DPYSL2: variants seen among roughly 807,000 people sequenced by gnomAD.
The protein encoded by DPYSL2 is dihydropyrimidinase like 2.
In DPYSL2, 13 loss-of-function variants were observed where a neutral mutation model predicts 69.9. The ratio of observed to expected loss-of-function variants is 0.19; its 90% confidence interval spans 0.12 to 0.30. DPYSL2 has a LOEUF of 0.30. DPYSL2 is among the 10% of genes least tolerant of loss of function. The pLI is 1.00. For missense variants in DPYSL2, 587 were observed against 918.9 expected, an observed-to-expected ratio of 0.64 and a Z score of 4.67; for synonymous variants, 326 against 359.1, an observed-to-expected ratio of 0.91 and a Z score of 1.04.
intron 1 of DPYSL2, among the ~76,000 whole-genome samples, chr8:26,561,458 C>T (rs531746555): frequency 6.6e-6 from 1 of 152,228 alleles, no homozygotes; most frequent in East Asian, 1.9e-4. Flanking sequence ...TTATTATTTC[C>T]ACTTGGATAT....
At chr8:26,634,989 C>A in intron 8 of DPYSL2, 89 bp downstream of exon 8, 3 of 1,554,386 alleles carry the variant, frequency 1.9e-6, no homozygotes, top group East Asian at 2.3e-5. Context: ...CTTTTCCAGA[C>A]CCTCATGCCA....
At chr8:26,523,164 TA>T (rs1296585897) in intron 1 of DPYSL2, among the ~76,000 whole-genome samples, 10 of 150,994 alleles carry the variant, frequency 6.6e-5, no homozygotes, top group Admixed American at 2.6e-4. Flanking sequence ...TATATATATA[TA>T]TATATTTTTA....
At chr8:26,523,004 A>G (rs1348331942) in intron 1 of DPYSL2, among the ~76,000 whole-genome samples, 1 of 152,086 alleles carries the variant, frequency 6.6e-6, no homozygotes, top group Non-Finnish European at 1.5e-5. Flanking sequence ...GAGCTTTGAA[A>G]TTCATTTAGA....
In DPYSL2 at chr8:26,654,745, G is replaced by C. The variant is rs565797195; in HGVS notation, c.1943-870G>C. On this transcript the variant is annotated intron_variant, in intron 13 of 13. Transcript: ENST00000521913. The surrounding 1 kb of genome is among the most constrained non-coding windows in gnomAD (Gnocchi z 5.0). ...AAGATGTAGTGATATTTTGTATATA[G>C]TTTTACTTTCTCCAGTAATAGATCC... 2.0e-5 allele frequency among the ~76,000 whole-genome samples: 3 copies of C among 152,300 alleles called. No individual in the cohort carries two copies. Among genetic ancestry groups the C allele is most frequent in the Admixed American group, 2.0e-4 (3 of 15,302 alleles).
chr8:26,633,369 A>T (rs1802825231), intron 7 of DPYSL2, among the ~76,000 whole-genome samples: 1 of 152,210 alleles, frequency 6.6e-6, no homozygotes, highest in South Asian at 2.1e-4. Context: ...CTGATTGGTG[A>T]TTCCTCTGTA....
At chr8:26,545,983 T>C (rs1040519597) in intron 1 of DPYSL2, among the ~76,000 whole-genome samples, 2 of 152,190 alleles carry the variant, frequency 1.3e-5, no homozygotes, top group Admixed American at 1.3e-4. Context: ...TTTTGGCTTT[T>C]CATATAAACT....
intron 1 of DPYSL2, among the ~76,000 whole-genome samples, chr8:26,570,817 C>G (rs1276182297): frequency 1.3e-5 from 2 of 151,508 alleles, no homozygotes; most frequent in African/African-American, 4.9e-5. Flanking sequence ...GAATCTGGGC[C>G]TGGAACAAGA....
intron 1 of DPYSL2, among the ~76,000 whole-genome samples, chr8:26,556,046 T>C (rs2117642581): frequency 1.1e-5 from 1 of 95,154 alleles, no homozygotes; most frequent in South Asian, 2.8e-4. Context: ...ATATATAGTT[T>C]ATAGTATATA....
At chr8:26,578,131 G>A (rs1389349785) in intron 1 of DPYSL2, 6 of 1,570,012 alleles carry the variant, frequency 3.8e-6, no homozygotes, top group Non-Finnish European at 5.2e-6. Flanking sequence ...CAGCGAAGCG[G>A]TTGCACCCTT....
intron 1 of DPYSL2, among the ~76,000 whole-genome samples, chr8:26,529,384 C>CAGTG (rs2117609654): frequency 6.6e-6 from 1 of 152,052 alleles, no homozygotes; most frequent in East Asian, 1.9e-4. Context: ...GGCTGCAGTG[C>CAGTG]AGTGATGTGA....
chr8:26,629,309 T>TACAC (rs1175350957), intron 7 of DPYSL2, among the ~76,000 whole-genome samples: 1 of 151,012 alleles, frequency 6.6e-6, no homozygotes, highest in African/African-American at 2.4e-5. Context: ...CATAGACACC[T>TACAC]ACACACACAC....
At chr8:26,555,091 AAGT>A (rs1800924585) in intron 1 of DPYSL2, among the ~76,000 whole-genome samples, 1 of 152,182 alleles carries the variant, frequency 6.6e-6, no homozygotes, top group African/African-American at 2.4e-5. Context: ...ATAGAAAGCT[AAGT>A]ATATAGGGAA....
rs1236914904 is a variant in DPYSL2, at chr8:26,597,233, T to A, written c.628+13250T>A. 1.3e-5 allele frequency among the ~76,000 whole-genome samples: 2 copies of A among 152,218 alleles called. No homozygotes were observed. The highest frequency in any genetic ancestry group is 4.8e-5 in the African/African-American group (2 of 41,452). On this transcript the variant is annotated intron_variant, in intron 3 of 13. Coordinates refer to ENST00000521913, the MANE Select transcript of DPYSL2 (RefSeq NM_001197293.3). This position sits in a 1 kb window ranked among gnomAD's most constrained non-coding sequence, Gnocchi z 5.2. ...GAGAGCAATCAAGAGGAGTAACTGA[T>A]GCCATGCATTCATCAACTGAACTTA...
chr8:26,606,309 G>T (rs1802105574), intron 3 of DPYSL2, among the ~76,000 whole-genome samples: 1 of 152,052 alleles, frequency 6.6e-6, no homozygotes, highest in African/African-American at 2.4e-5. Flanking sequence ...ATGGATTAAA[G>T]AATTACATTT....
rs993257603 is a variant in DPYSL2 at position 26,650,477 on chromosome 8, G to A, written c.1597-1780G>A. On this transcript the variant is annotated intron_variant, in intron 11 of 13. Transcript: ENST00000521913. The surrounding 1 kb of genome is among the most constrained non-coding windows in gnomAD (Gnocchi z 5.3). ...GACCAGGGATGAGGCTTTTTGTATTGTCATCTTCACATACACCTCGGGAGG... is the reference window on the plus strand; with the variant it reads ...GACCAGGGATGAGGCTTTTTGTATTATCATCTTCACATACACCTCGGGAGG... Among the ~76,000 whole-genome samples, 31 of 152,176 alleles carry A rather than the reference G, an allele frequency of 2.0e-4. No homozygotes were observed. The highest frequency in any genetic ancestry group is 7.2e-4 in the African/African-American group (30 of 41,440).
At position 26,657,676 on chromosome 8, in the gene DPYSL2, A is replaced by G. The variant is rs1033897289; in HGVS notation, c.*1970A>G. ...TTGGAAAAAAACAATTTTTGTTTCAATTCTAAGAAACACTTGCAGCTCTAG... is the reference window on the plus strand; with the variant it reads ...TTGGAAAAAAACAATTTTTGTTTCAGTTCTAAGAAACACTTGCAGCTCTAG... On this transcript the variant is annotated 3_prime_UTR_variant, in exon 14 of 14. Transcript: ENST00000521913. 2.6e-5 allele frequency: 4 copies of G among 152,628 alleles called. No individual in the cohort carries two copies. Among genetic ancestry groups the G allele is most frequent in the African/African-American group, 7.2e-5 (3 of 41,450 alleles). 9.5% of individuals were successfully genotyped at this position (152,628 alleles called of 1,614,324 possible).
At chr8:26,532,370 C>G (rs1563376933) in intron 1 of DPYSL2, among the ~76,000 whole-genome samples, 1 of 152,328 alleles carries the variant, frequency 6.6e-6, no homozygotes, top group East Asian at 1.9e-4. Flanking sequence ...CAAGTATTTA[C>G]TATTGAAATA....
chr8:26,601,754 A>AT (rs1188901053), intron 3 of DPYSL2, among the ~76,000 whole-genome samples: 1 of 152,202 alleles, frequency 6.6e-6, no homozygotes, highest in Non-Finnish European at 1.5e-5. Context: ...AAACAGGAGA[A>AT]TTTTTACTGA....
At chr8:26,608,939 A>G (rs1335851322) in intron 3 of DPYSL2, among the ~76,000 whole-genome samples, 1 of 152,202 alleles carries the variant, frequency 6.6e-6, no homozygotes, top group Non-Finnish European at 1.5e-5. Flanking sequence ...CAACCTTGGA[A>G]TAAACAGAAT....
Sources: allele counts gnomAD v4.1 joint callset (sites outside exome capture counted in the v4.1 genomes callset), GRCh38; gene constraint gnomAD v4.1.1; non-coding constraint Gnocchi (gnomAD v3.1); transcripts MANE v1.5; gene names NCBI Gene and HGNC (gene_info 2026-07-23, HGNC 2026-07-21).